GREB1L: variants seen among roughly 807,000 people sequenced by gnomAD.
The protein encoded by GREB1L is GREB1-like protein.
In GREB1L, 17 loss-of-function variants were observed where a neutral mutation model predicts 200.8. The ratio of observed to expected loss-of-function variants is 0.08; its 90% CI spans 0.06 to 0.13. The LOEUF is 0.13. GREB1L is among the 10% of genes least tolerant of loss of function. The probability of loss-of-function intolerance (pLI) is 1.00; values close to 1 mark genes in which losing one functional copy is unlikely to be tolerated. For missense variants in GREB1L, 1,657 were observed against 2,367.7 expected, an observed-to-expected ratio of 0.70 and a Z score of 6.23; for synonymous variants, 789 against 893.0, an observed-to-expected ratio of 0.88 and a Z score of 2.08.
At position 21,307,027 on chromosome 18, in the gene GREB1L, A is replaced by T. The variant is rs544809933; in HGVS notation, c.-119-59000A>T. Among the ~76,000 whole-genome samples, 6 of 152,322 alleles carry T rather than the reference A, an allele frequency of 3.9e-5. No homozygotes were observed. The South Asian group carries it at 1.2e-3, about 32-fold the overall frequency. ...TGTGTTATTTTCTGTCATGTGATTG[A>T]TAATGTTTTCCTTTCTACATTCTTA... On this transcript the variant is annotated intron_variant, in intron 1 of 32. Transcript: ENST00000424526.
intron 28 of GREB1L, 29 bp from the exon 29 acceptor site, chr18:21,515,388 C>T (rs1399691729): frequency 7.0e-7 from 1 of 1,424,814 alleles, no homozygotes; most frequent in African/African-American, 1.4e-5. Context: ...TAATATTTAT[C>T]AACATCTTAT....
At chr18:21,403,425 A>C (rs969513259) in intron 6 of GREB1L, among the ~76,000 whole-genome samples, 1 of 152,182 alleles carries the variant, frequency 6.6e-6, no homozygotes, top group African/African-American at 2.4e-5. Context: ...TTTTGGACCT[A>C]AATTAAGGTT....
intron 1 of GREB1L, among the ~76,000 whole-genome samples, chr18:21,344,813 A>G (rs1287186283): frequency 3.9e-5 from 6 of 152,204 alleles, no homozygotes; most frequent in Non-Finnish European, 5.9e-5. Flanking sequence ...ACTTACAGTA[A>G]AATGCTGGCC....
intron 1 of GREB1L, among the ~76,000 whole-genome samples, chr18:21,320,414 T>C (rs995574627): frequency 5.9e-5 from 9 of 152,094 alleles, no homozygotes; most frequent in Admixed American, 2.6e-4. Flanking sequence ...AGGGACTATA[T>C]GGCAAGTCAA....
chr18:21,322,200 C>T (rs1598657377), intron 1 of GREB1L, among the ~76,000 whole-genome samples: 1 of 151,902 alleles, frequency 6.6e-6, no homozygotes, highest in Middle Eastern at 3.4e-3. Context: ...AACTAGAAGA[C>T]AAACTAGAGG....
chr18:21,333,140 A>G (rs886565404), intron 1 of GREB1L, among the ~76,000 whole-genome samples: 4 of 151,916 alleles, frequency 2.6e-5, no homozygotes, highest in Non-Finnish European at 5.9e-5. Flanking sequence ...CTGGGTATCT[A>G]ACTGGTTCTA....
chr18:21,459,989 C>T (rs777961698), intron 15 of GREB1L, among the ~76,000 whole-genome samples: 6 of 152,162 alleles, frequency 3.9e-5, no homozygotes, highest in Non-Finnish European at 5.9e-5. Context: ...TGACTGCCCG[C>T]CTCGTCATAC....
chr18:21,512,076 ACT>A (rs1453174976), intron 27 of GREB1L, among the ~76,000 whole-genome samples: 2 of 152,208 alleles, frequency 1.3e-5, no homozygotes, highest in Non-Finnish European at 2.9e-5. Flanking sequence ...AAACTACCAC[ACT>A]GTTTTCATTA....
intron 1 of GREB1L, among the ~76,000 whole-genome samples, chr18:21,257,506 G>C (rs2037819837): frequency 2.0e-5 from 3 of 152,092 alleles, no homozygotes; most frequent in Admixed American, 1.3e-4. Flanking sequence ...AGATCTTTTA[G>C]AGTCTGTAAA....
At chr18:21,288,689 A>G (rs1481428) in intron 1 of GREB1L, among the ~76,000 whole-genome samples, 3,925 of 152,152 alleles carry the variant, frequency 0.026, 178 homozygotes, top group African/African-American at 0.087. Flanking sequence ...GTTTACAAAA[A>G]GCAGGGAATT....
At chr18:21,311,900 G>A (rs754207706) in intron 1 of GREB1L, among the ~76,000 whole-genome samples, 16 of 151,864 alleles carry the variant, frequency 1.1e-4, no homozygotes, top group Non-Finnish European at 2.1e-4. Context: ...ATGTCACGGG[G>A]GTTTGTTGTA....
chr18:21,402,635 A>G (rs1233606683), intron 6 of GREB1L, among the ~76,000 whole-genome samples: 1 of 150,798 alleles, frequency 6.6e-6, no homozygotes, highest in Non-Finnish European at 1.5e-5. Context: ...TGATCCTCTT[A>G]CCTCAGCCTC....
chr18:21,417,874 G>A (rs1434971902), intron 7 of GREB1L, among the ~76,000 whole-genome samples: 5 of 151,624 alleles, frequency 3.3e-5, no homozygotes, highest in Middle Eastern at 3.4e-3. Flanking sequence ...CCAGCTACTC[G>A]GGAGGCTGAG....
chr18:21,400,122 G>A (rs184767270), intron 5 of GREB1L, among the ~76,000 whole-genome samples: 2 of 150,360 alleles, frequency 1.3e-5, no homozygotes, highest in East Asian at 3.9e-4. Context: ...CAGTAAATGT[G>A]TTATGCCCTC....
At chr18:21,486,641 A>G (rs1305212310) in intron 18 of GREB1L, among the ~76,000 whole-genome samples, 1 of 152,138 alleles carries the variant, frequency 6.6e-6, no homozygotes, top group Non-Finnish European at 1.5e-5. Flanking sequence ...TTTCTAAAAA[A>G]AGAAAAAAAA....
At chr18:21,326,376 CT>C (rs1362160404) in intron 1 of GREB1L, among the ~76,000 whole-genome samples, 2 of 152,136 alleles carry the variant, frequency 1.3e-5, no homozygotes, top group Non-Finnish European at 2.9e-5. Context: ...TTATTTCTCT[CT>C]TTTAGGAAGT....
chr18:21,250,881 C>A (rs1292249855), intron 1 of GREB1L, among the ~76,000 whole-genome samples: 1 of 152,098 alleles, frequency 6.6e-6, no homozygotes, highest in Non-Finnish European at 1.5e-5. Flanking sequence ...CTTTCTTCTT[C>A]CTTTTCTCTC....
chr18:21,318,105 C>CA (rs61304976), intron 1 of GREB1L, among the ~76,000 whole-genome samples: 1,151 of 89,586 alleles, frequency 0.013, 26 homozygotes, highest in African/African-American at 0.033. Flanking sequence ...GAGATTCCGT[C>CA]AAAAAAAAAA....
intron 1 of GREB1L, among the ~76,000 whole-genome samples, chr18:21,306,860 C>G (rs568361021): frequency 2.0e-5 from 3 of 152,260 alleles, no homozygotes; most frequent in South Asian, 4.1e-4. Context: ...CTTTTTCTTT[C>G]CCTTGCTGCT....
Sources: allele counts gnomAD v4.1 joint callset (sites outside exome capture counted in the v4.1 genomes callset), GRCh38; gene constraint gnomAD v4.1.1; transcripts MANE v1.5; gene names NCBI Gene and HGNC (gene_info 2026-07-23, HGNC 2026-07-21).